The following TCERG1L variants were observed in gnomAD, a reference collection of about 807,000 sequenced individuals.
TCERG1L encodes the protein transcription elongation regulator 1 like, also known as transcription elongation regulator 1-like protein.
Under a neutral mutation model 56.3 loss-of-function variants are expected in TCERG1L, and 37 were observed. That is an observed-to-expected ratio of 0.66 (90% CI 0.51 to 0.87). The LOEUF is 0.87. TCERG1L is among the 40% of genes least tolerant of loss of function. TCERG1L has a pLI of 0.00. For synonymous variants in TCERG1L, 324 were observed against 326.3 expected, an observed-to-expected ratio of 0.99 and a Z score of 0.08; for missense variants, 799 against 774.2, an observed-to-expected ratio of 1.03 and a Z score of -0.38.
At chr10:131,239,360 TGAG>T (rs1381726357) in intron 4 of TCERG1L, among the ~76,000 whole-genome samples, 1 of 152,166 alleles carries the variant, frequency 6.6e-6, no homozygotes, top group Non-Finnish European at 1.5e-5. Flanking sequence ...CGAATAAGAA[TGAG>T]AATGAAAAGT....
chr10:131,252,257 T>C lies in TCERG1L; in HGVS notation c.856+8002A>G, dbSNP rs1317267902. Among the ~76,000 whole-genome samples the C allele has an allele frequency of 2.6e-5, 4 of 152,174 alleles. No homozygotes were observed. In the East Asian group the frequency reaches 5.8e-4, roughly 22 times the overall value. On this transcript the variant is annotated intron_variant, in intron 4 of 11. Transcript: ENST00000368642. ...TAGCTGTTTGAGACCCTGATTTCAA[T>C]GGGTGAGTCACATGGTAATACTATG...
intron 3 of TCERG1L, among the ~76,000 whole-genome samples, chr10:131,286,890 G>A (rs533387448): frequency 6.6e-6 from 1 of 152,338 alleles, no homozygotes; most frequent in East Asian, 1.9e-4. Context: ...TGTGGCTACA[G>A]AGCCCCTGAC....
rs765700427 is a variant in TCERG1L, at chr10:131,308,306, C to T, written c.575G>A (p.Arg192His). The T allele has an allele frequency of 1.2e-5, 19 of 1,613,908 alleles. No homozygotes were observed. Among genetic ancestry groups the T allele is most frequent in the East Asian group, 6.7e-5 (3 of 44,878 alleles). ...CACAGCTACTTGATTTGCCAGCAAACGAGGCTTTTCATGCCCATGGAAAAA... is the reference window on the plus strand; with the variant it reads ...CACAGCTACTTGATTTGCCAGCAAATGAGGCTTTTCATGCCCATGGAAAAA... Reference protein sequence around the residue: ...SRFFHGHEKPRLLANQVAVSL... With the variant: ...SRFFHGHEKPHLLANQVAVSL... The change falls in exon 3 of 12, where the codon CGT becomes CAT. Residue 192 changes from arginine to histidine, a missense_variant. Transcript: ENST00000368642.
At chr10:131,127,948 A>G (rs1191740646) in intron 8 of TCERG1L, among the ~76,000 whole-genome samples, 1 of 152,240 alleles carries the variant, frequency 6.6e-6, no homozygotes, top group Non-Finnish European at 1.5e-5. Flanking sequence ...TGGCAGAGGA[A>G]CCACAGGGAA....
intron 3 of TCERG1L, among the ~76,000 whole-genome samples, chr10:131,282,276 T>A (rs1053640647): frequency 1.3e-5 from 2 of 152,088 alleles, no homozygotes; most frequent in African/African-American, 4.8e-5. Flanking sequence ...CTCAGAATTA[T>A]ATTGAAGTCA....
chr10:131,289,144 A>ATTTT (rs11422729), intron 3 of TCERG1L, among the ~76,000 whole-genome samples: 1 of 148,424 alleles, frequency 6.7e-6, no homozygotes, highest in Non-Finnish European at 1.5e-5. Flanking sequence ...AAAAGTCTTG[A>ATTTT]TTTTTTTTTT....
Position 131,229,547 on chromosome 10 carries a change from TAAG to T in TCERG1L, c.856+30709_856+30711del, listed in dbSNP as rs542391778. Among the ~76,000 whole-genome samples, 3 of 152,250 alleles carry T rather than the reference TAAG, an allele frequency of 2.0e-5. No individual in the cohort carries two copies. In the South Asian group the frequency reaches 6.2e-4, roughly 32 times the overall value. On this transcript the variant is annotated intron_variant, in intron 4 of 11. Coordinates refer to ENST00000368642, the MANE Select transcript of TCERG1L (RefSeq NM_174937.4). ...CGAAGGTCAACATGACAGTAAAATA[TAAG>T]AAGTATGAAGTATAAATACCAATTA...
In TCERG1L at chr10:131,301,343, T is replaced by C. The variant is rs114776363; in HGVS notation, c.670+6868A>G. On this transcript the variant is annotated intron_variant, in intron 3 of 11. Transcript: ENST00000368642. ...AATTTATGTATCCAGATTATAATTA[T>C]CATAAAAAACTCTTGTAAATAAAAA... Among the ~76,000 whole-genome samples the C allele has an allele frequency of 7.0e-3, 1,064 of 152,180 alleles. 27 individuals carry two copies. The highest frequency in any genetic ancestry group is 0.025 in the African/African-American group (1,022 of 41,448).
chr10:131,096,761 G>A (rs1845251451), intron 11 of TCERG1L, among the ~76,000 whole-genome samples: 1 of 151,926 alleles, frequency 6.6e-6, no homozygotes, highest in South Asian at 2.1e-4. Context: ...ACAAAAATTA[G>A]CCGGGTGTGG....
chr10:131,153,470 G>GC (rs1250881114), intron 6 of TCERG1L, among the ~76,000 whole-genome samples: 1 of 152,192 alleles, frequency 6.6e-6, no homozygotes, highest in Non-Finnish European at 1.5e-5. Context: ...CTCGTGGAAT[G>GC]CTCCAGGCGG....
At chr10:131,156,332 G>A (rs574119219) in intron 6 of TCERG1L, 1 of 151,920 alleles carries the variant, frequency 6.6e-6, no homozygotes, top group Admixed American at 6.6e-5. Flanking sequence ...TAAATGTCAC[G>A]CCCAATAAAT....
intron 6 of TCERG1L, among the ~76,000 whole-genome samples, chr10:131,154,311 A>C (rs1019903640): frequency 5.3e-5 from 8 of 152,232 alleles, no homozygotes; most frequent in Non-Finnish European, 1.2e-4. Flanking sequence ...TCATCCTGCA[A>C]ATAGCAGGAC....
At chr10:131,164,791 G>T (rs2944526) in intron 5 of TCERG1L, among the ~76,000 whole-genome samples, 150,558 of 152,320 alleles carry the variant, frequency 0.99, 74,447 homozygotes, top group East Asian at 1. Context: ...TGGTACTTTA[G>T]GAGGCAGTGG....
chr10:131,301,882 C>T lies in TCERG1L; in HGVS notation c.670+6329G>A, dbSNP rs1442152719. 3.9e-5 allele frequency among the ~76,000 whole-genome samples: 6 copies of T among 152,026 alleles called. No individual in the cohort carries two copies. The East Asian group carries it at 7.7e-4, about 19-fold the overall frequency. ...AATCAAATATAAAGATGCTAAACTT[C>T]GTTTTCAAAAAGCAAAGGCAGACAT... On this transcript the variant is annotated intron_variant, in intron 3 of 11. Transcript: ENST00000368642.
intron 4 of TCERG1L, among the ~76,000 whole-genome samples, chr10:131,169,431 G>A (rs770015178): frequency 6.6e-6 from 1 of 152,172 alleles, no homozygotes; most frequent in Non-Finnish European, 1.5e-5. Context: ...CAGACCCAAC[G>A]CAAAGCAGGC....
intron 8 of TCERG1L, among the ~76,000 whole-genome samples, chr10:131,125,094 GT>G (rs1845551378): frequency 6.6e-6 from 1 of 152,194 alleles, no homozygotes; most frequent in Non-Finnish European, 1.5e-5. Flanking sequence ...TCTAGAAATA[GT>G]TTTGATGACA....
Position 131,271,267 on chromosome 10 carries a change from C to A in TCERG1L, c.671-10823G>T, listed in dbSNP as rs12253505. Among the ~76,000 whole-genome samples the A allele has an allele frequency of 7.6e-3, 1,157 of 152,318 alleles. 18 individuals carry two copies. The highest frequency in any genetic ancestry group is 0.026 in the African/African-American group (1,091 of 41,586). Reference sequence around the variant, plus strand: ...GAGCCCGGTGCAGTGGCAGGTGGCTCCAGAATATCAGGCCTAGTGAGCCAA... The same window carrying A: ...GAGCCCGGTGCAGTGGCAGGTGGCTACAGAATATCAGGCCTAGTGAGCCAA... On this transcript the variant is annotated intron_variant, in intron 3 of 11. Coordinates refer to ENST00000368642, the MANE Select transcript of TCERG1L (RefSeq NM_174937.4).
At chr10:131,185,455 A>C (rs1845225907) in intron 4 of TCERG1L, among the ~76,000 whole-genome samples, 1 of 152,232 alleles carries the variant, frequency 6.6e-6, no homozygotes, top group African/African-American at 2.4e-5. Flanking sequence ...AACCTTCAGA[A>C]TGGGAGAAAA....
intron 3 of TCERG1L, among the ~76,000 whole-genome samples, chr10:131,301,410 CAAAT>C (rs1564837033): frequency 1.3e-5 from 2 of 151,964 alleles, no homozygotes; most frequent in Non-Finnish European, 2.9e-5. Flanking sequence ...ACCAAATTAA[CAAAT>C]ACTCACATAT....
Sources: gnomAD v4.1 joint callset for allele counts (sites outside exome capture counted in the v4.1 genomes callset) on GRCh38, gnomAD v4.1.1 for gene constraint, MANE v1.5 for transcripts, NCBI Gene and HGNC (gene_info 2026-07-23, HGNC 2026-07-21) for gene names.